The following PDZRN4 variants were observed in gnomAD, a reference collection of about 807,000 sequenced individuals.
The protein encoded by PDZRN4 is PDZ domain-containing RING finger protein 4.
Under a neutral mutation model 99.0 loss-of-function variants are expected in PDZRN4, and 70 were observed. The ratio of observed to expected loss-of-function variants is 0.71; its 90% confidence interval spans 0.58 to 0.86. The LOEUF (loss-of-function observed/expected upper bound fraction) is 0.86. Ranked by LOEUF, PDZRN4 falls within the 40% of genes least tolerant of loss-of-function variation. The probability of loss-of-function intolerance (pLI) is 0.00; values close to 1 mark genes in which losing one functional copy is unlikely to be tolerated. For synonymous variants in PDZRN4, 551 were observed against 501.6 expected, an observed-to-expected ratio of 1.10 and a Z score of -1.32; for missense variants, 1,474 against 1,331.2, an observed-to-expected ratio of 1.11 and a Z score of -1.67.
At chr12:41,399,480 A>C (rs532099837) in intron 3 of PDZRN4, among the ~76,000 whole-genome samples, 1 of 152,328 alleles carries the variant, frequency 6.6e-6, no homozygotes, top group South Asian at 2.1e-4. Flanking sequence ...CATGCCTGTA[A>C]TCCCAGTACT....
chr12:41,526,331 T>C (rs1313842973), intron 5 of PDZRN4, among the ~76,000 whole-genome samples: 1 of 152,196 alleles, frequency 6.6e-6, no homozygotes, highest in Non-Finnish European at 1.5e-5. Context: ...ATCCCATTTG[T>C]CTGGAATCTC....
chr12:41,228,812 A>G (rs1419258492), intron 3 of PDZRN4, among the ~76,000 whole-genome samples: 1 of 152,114 alleles, frequency 6.6e-6, no homozygotes, highest in Non-Finnish European at 1.5e-5. Flanking sequence ...TCAATAGTAT[A>G]TACAATGAAC....
At chr12:41,484,156 T>C (rs1937730313) in intron 3 of PDZRN4, among the ~76,000 whole-genome samples, 1 of 152,164 alleles carries the variant, frequency 6.6e-6, no homozygotes, top group South Asian at 2.1e-4. Context: ...TAGTGTCCTA[T>C]AGCAAAATTG....
chr12:41,387,589 CA>C (rs1952180960), intron 3 of PDZRN4, among the ~76,000 whole-genome samples: 1 of 152,052 alleles, frequency 6.6e-6, no homozygotes, highest in Non-Finnish European at 1.5e-5. Flanking sequence ...AAGACTCCAA[CA>C]ACAACAACAA....
At chr12:41,252,456 AG>A (rs1365265058) in intron 3 of PDZRN4, among the ~76,000 whole-genome samples, 2 of 152,210 alleles carry the variant, frequency 1.3e-5, no homozygotes, top group African/African-American at 4.8e-5. Context: ...CTTAAATTTT[AG>A]GCAAAACAGG....
At position 41,573,950 on chromosome 12, in the gene PDZRN4, A is replaced by G. The variant is rs1289242068; in HGVS notation, c.*60A>G. On this transcript the variant is annotated 3_prime_UTR_variant, in exon 10 of 10. Transcript: ENST00000402685. ...AGGATGCTACCAGTTTCGGTAGAGT[A>G]TGATTGCCTCGTTCAATGTGGCGTT... 2.5e-6 allele frequency: 3 copies of G among 1,210,018 alleles called. No homozygotes were observed. The highest frequency in any genetic ancestry group is 1.5e-5 in the African/African-American group (1 of 66,360). The allele number at this position is 1,210,018 out of a possible 1,614,324, so 75.0% of individuals were successfully genotyped here.
At chr12:41,309,697 A>G (rs1296108640) in intron 3 of PDZRN4, among the ~76,000 whole-genome samples, 1 of 152,150 alleles carries the variant, frequency 6.6e-6, no homozygotes, top group Non-Finnish European at 1.5e-5. Context: ...TAAATAAATA[A>G]ATAAGAAAAA....
At chr12:41,270,120 A>G (rs1460048549) in intron 3 of PDZRN4, among the ~76,000 whole-genome samples, 2 of 152,190 alleles carry the variant, frequency 1.3e-5, no homozygotes, top group Non-Finnish European at 2.9e-5. Flanking sequence ...GCTATGGCTG[A>G]GTCAGTTACT....
At chr12:41,460,405 G>T (rs1952860411) in intron 3 of PDZRN4, among the ~76,000 whole-genome samples, 1 of 152,080 alleles carries the variant, frequency 6.6e-6, no homozygotes, top group Non-Finnish European at 1.5e-5. Context: ...TTTCCTGAAC[G>T]AAACTTCCTT....
intron 3 of PDZRN4, among the ~76,000 whole-genome samples, chr12:41,496,409 A>G (rs1248536026): frequency 6.6e-6 from 1 of 152,080 alleles, no homozygotes. Flanking sequence ...CTGAGTGGAT[A>G]TTATTATCCC....
At chr12:41,541,603 A>C (rs912872925) in intron 5 of PDZRN4, among the ~76,000 whole-genome samples, 4 of 151,476 alleles carry the variant, frequency 2.6e-5, no homozygotes, top group Non-Finnish European at 4.4e-5. Flanking sequence ...ACAGGCACCC[A>C]CCACCACGCC....
At chr12:41,530,137 C>T (rs891363358) in intron 5 of PDZRN4, among the ~76,000 whole-genome samples, 1 of 152,180 alleles carries the variant, frequency 6.6e-6, no homozygotes. Flanking sequence ...AAATACTATG[C>T]TACAATATCA....
intron 5 of PDZRN4, among the ~76,000 whole-genome samples, chr12:41,528,655 C>T (rs889937090): frequency 2.6e-5 from 4 of 152,132 alleles, no homozygotes; most frequent in African/African-American, 7.2e-5. Context: ...CATCCTGCCT[C>T]GCATTGTTTG....
intron 3 of PDZRN4, among the ~76,000 whole-genome samples, chr12:41,247,924 T>C (rs1951143743): frequency 6.6e-6 from 1 of 151,892 alleles, no homozygotes; most frequent in Non-Finnish European, 1.5e-5. Context: ...GCATTTCAGC[T>C]ACAGAAAGCA....
rs575082932 is a variant in PDZRN4, at chr12:41,457,519, A to T, written c.844-48937A>T. ...AAGCTTCATAACAAACTTCACAGCC[A>T]TGAAGCAATGAGTTATCTTTCTCTT... is the stretch of plus-strand genomic sequence containing the variant. On this transcript the variant is annotated intron_variant, in intron 3 of 9. Transcript: ENST00000402685. 6.6e-5 allele frequency among the ~76,000 whole-genome samples: 10 copies of T among 152,332 alleles called. No individual in the cohort carries two copies. In the East Asian group the frequency reaches 1.9e-3, roughly 29 times the overall value.
chr12:41,475,608 A>G (rs1483178400), intron 3 of PDZRN4, among the ~76,000 whole-genome samples: 1 of 152,224 alleles, frequency 6.6e-6, no homozygotes, highest in East Asian at 1.9e-4. Flanking sequence ...TTGATTATAA[A>G]TAGCAAAGTA....
intron 3 of PDZRN4, among the ~76,000 whole-genome samples, chr12:41,418,767 G>A (rs183395378): frequency 5.6e-4 from 86 of 152,224 alleles, no homozygotes; most frequent in African/African-American, 2.0e-3. Flanking sequence ...ATTTCCCTGA[G>A]CACATTCACC....
At chr12:41,350,395 T>C (rs1951881590) in intron 3 of PDZRN4, among the ~76,000 whole-genome samples, 1 of 152,154 alleles carries the variant, frequency 6.6e-6, no homozygotes, top group South Asian at 2.1e-4. Flanking sequence ...GTAATTAATC[T>C]TGATGAATGT....
chr12:41,280,154 C>G (rs1852463), intron 3 of PDZRN4, among the ~76,000 whole-genome samples: 21,071 of 152,080 alleles, frequency 0.14, 1,914 homozygotes, highest in Non-Finnish European at 0.2. Flanking sequence ...CCTGAGGGAC[C>G]CTGCCATGAG....
Sources: allele counts gnomAD v4.1 joint callset (sites outside exome capture counted in the v4.1 genomes callset), GRCh38; gene constraint gnomAD v4.1.1; transcripts MANE v1.5; gene names NCBI Gene and HGNC (gene_info 2026-07-23, HGNC 2026-07-21).